MRTFB: variants seen among roughly 807,000 people sequenced by gnomAD.
MRTFB encodes the protein myocardin related transcription factor B.
MRTFB carries 29 observed loss-of-function variants against 104.2 expected under a neutral mutation model. That is an observed-to-expected ratio of 0.28 (90% CI 0.21 to 0.38). The LOEUF is 0.38. Ranked by LOEUF, MRTFB falls within the 10% of genes least tolerant of loss-of-function variation. The pLI, the probability that MRTFB is intolerant of heterozygous loss-of-function variation, is 1.00. For synonymous variants in MRTFB, 535 were observed against 519.5 expected, an observed-to-expected ratio of 1.03 and a Z score of -0.41; for missense variants, 1,270 against 1,341.6, an observed-to-expected ratio of 0.95 and a Z score of 0.83.
intron 3 of MRTFB, among the ~76,000 whole-genome samples, chr16:14,154,519 T>C (rs1344009809): frequency 6.6e-6 from 1 of 152,214 alleles, no homozygotes; most frequent in Non-Finnish European, 1.5e-5. Flanking sequence ...AAGGTAATTA[T>C]TGGTATATGT....
intron 8 of MRTFB, among the ~76,000 whole-genome samples, chr16:14,231,765 C>G (rs537599231): frequency 6.6e-6 from 1 of 152,274 alleles, no homozygotes; most frequent in South Asian, 2.1e-4. Flanking sequence ...CTAACTTTAG[C>G]CACTAGGAGC....
chr16:14,073,247 T>G (rs2033837367), intron 1 of MRTFB, among the ~76,000 whole-genome samples: 1 of 152,212 alleles, frequency 6.6e-6, no homozygotes, highest in Non-Finnish European at 1.5e-5. Context: ...CAGGCGAATC[T>G]TCATTATACA....
chr16:14,170,842 ATGT>A (rs1465831141), intron 3 of MRTFB, among the ~76,000 whole-genome samples: 3 of 152,174 alleles, frequency 2.0e-5, no homozygotes, highest in Admixed American at 6.5e-5. Flanking sequence ...TCCTTGAAAA[ATGT>A]TGTTATTAAA....
the MRTFB span, among the ~76,000 whole-genome samples, chr16:14,014,706 G>C: frequency 5.1e-3 from 761 of 149,236 alleles, 7 homozygotes; most frequent in African/African-American, 0.018. Flanking sequence ...ATGCAAAAAA[G>C]AAAAAAAGAA....
the MRTFB span, among the ~76,000 whole-genome samples, chr16:14,054,447 C>T: frequency 3.9e-5 from 6 of 152,064 alleles, no homozygotes; most frequent in African/African-American, 1.2e-4. Flanking sequence ...CAATTCCTGA[C>T]CTCAAGTGAT....
the MRTFB span, among the ~76,000 whole-genome samples, chr16:14,053,605 C>A: frequency 6.6e-6 from 1 of 151,800 alleles, no homozygotes; most frequent in East Asian, 1.9e-4. Flanking sequence ...GTGGCGGGCA[C>A]CTGTAATCCC....
intron 2 of MRTFB, among the ~76,000 whole-genome samples, chr16:14,121,397 A>C (rs961946141): frequency 6.6e-6 from 1 of 152,186 alleles, no homozygotes; most frequent in Non-Finnish European, 1.5e-5. Context: ...AATGAGTAAC[A>C]TGACCTTTTT....
chr16:14,174,766 C>T (rs1008722067), intron 3 of MRTFB, among the ~76,000 whole-genome samples: 1 of 152,112 alleles, frequency 6.6e-6, no homozygotes, highest in Non-Finnish European at 1.5e-5. Flanking sequence ...TCGGGATCAC[C>T]ACCCGTTTGC....
At chr16:14,116,806 C>T (rs2036567477) in intron 2 of MRTFB, among the ~76,000 whole-genome samples, 1 of 152,158 alleles carries the variant, frequency 6.6e-6, no homozygotes, top group Non-Finnish European at 1.5e-5. Context: ...CAAACATCCT[C>T]AGGGGTGGGG....
chr16:14,064,842 C>G, the MRTFB span, among the ~76,000 whole-genome samples: 2 of 152,096 alleles, frequency 1.3e-5, no homozygotes, highest in African/African-American at 4.8e-5. Flanking sequence ...ACCAGAACCA[C>G]GCTGTTTTGG....
At chr16:14,004,300 C>G in the MRTFB span, among the ~76,000 whole-genome samples, 1 of 152,168 alleles carries the variant, frequency 6.6e-6, no homozygotes, top group Non-Finnish European at 1.5e-5. Flanking sequence ...TGATGCCAGG[C>G]CCTAGGCCAG....
At chr16:14,018,189 G>A in the MRTFB span, among the ~76,000 whole-genome samples, 1 of 152,098 alleles carries the variant, frequency 6.6e-6, no homozygotes, top group Non-Finnish European at 1.5e-5. Flanking sequence ...GGCTTTTCTG[G>A]AAGAATCCAA....
At position 14,140,686 on chromosome 16, in the gene MRTFB, C is replaced by G. The variant is rs780619051; in HGVS notation, c.80C>G (p.Ala27Gly). The G allele has an allele frequency of 6.2e-6, 10 of 1,614,058 alleles. No homozygotes were observed. Among genetic ancestry groups the G allele is most frequent in the Non-Finnish European group, 4.2e-6 (5 of 1,180,032 alleles). Residue 27 changes from alanine to glycine, a missense_variant, in exon 3 of 17, where the codon GCT becomes GGT. Ala to Gly is a moderately conservative substitution (Grantham distance 60, BLOSUM62 0). Around this residue, in one of 3 missense-constraint regions of MRTFB, gnomAD observed 62 missense variants for 57.2 expected, o/e 1.08. Transcript: ENST00000571589. ...CTTGCTCCAAGTCCTCAGAGTGAAGCTGTGGCTCATGAATTCCAGGAACTC... is the reference window on the plus strand; with the variant it reads ...CTTGCTCCAAGTCCTCAGAGTGAAGGTGTGGCTCATGAATTCCAGGAACTC... ...AHLAPSPQSEAVAHEFQELSL... is the reference protein window; with the variant it reads ...AHLAPSPQSEGVAHEFQELSL...
intron 4 of MRTFB, 69 bp downstream of exon 4, chr16:14,210,377 G>C: frequency 8.3e-7 from 1 of 1,209,636 alleles, no homozygotes; most frequent in African/African-American, 1.5e-5. Flanking sequence ...AGAAGAGCCT[G>C]CATCTTGCTC....
intron 8 of MRTFB, among the ~76,000 whole-genome samples, chr16:14,231,541 C>T (rs1325071124): frequency 6.6e-6 from 1 of 152,144 alleles, no homozygotes; most frequent in Non-Finnish European, 1.5e-5. Flanking sequence ...TCTTTCCATC[C>T]TCTACCCTCA....
At chr16:14,106,613 A>G (rs1401829314) in intron 2 of MRTFB, among the ~76,000 whole-genome samples, 3 of 152,208 alleles carry the variant, frequency 2.0e-5, no homozygotes, top group African/African-American at 4.8e-5. Flanking sequence ...TCAAAGTTTG[A>G]CATTTAGTAA....
chr16:14,094,945 C>A (rs935767034), intron 2 of MRTFB, among the ~76,000 whole-genome samples: 2 of 152,192 alleles, frequency 1.3e-5, no homozygotes, highest in Non-Finnish European at 2.9e-5. Flanking sequence ...ATGATAAACA[C>A]TGACATTTCC....
At position 14,266,206 on chromosome 16, in the gene MRTFB, A is replaced by G. The variant is rs1180094551; in HGVS notation, c.*4762A>G. ...TCCATTTAAGGTTATAATTTTCACT[A>G]AGATGTAGATATTTCTCTTATTGTT... On this transcript the variant is annotated 3_prime_UTR_variant, in exon 17 of 17. Coordinates refer to ENST00000571589, the MANE Select transcript of MRTFB (RefSeq NM_001308142.2). 3.9e-5 allele frequency: 6 copies of G among 152,254 alleles called. No individual in the cohort carries two copies. Among genetic ancestry groups the G allele is most frequent in the Non-Finnish European group, 8.8e-5 (6 of 68,034 alleles). 9.4% of individuals were successfully genotyped at this position (152,254 alleles called of 1,614,324 possible).
chr16:14,186,049 G>T (rs1236866799), intron 3 of MRTFB, among the ~76,000 whole-genome samples: 1 of 152,114 alleles, frequency 6.6e-6, no homozygotes, highest in Non-Finnish European at 1.5e-5. Context: ...TTAATGCATG[G>T]GGGGAGAATT....
Sources: gnomAD v4.1 joint callset for allele counts (sites outside exome capture counted in the v4.1 genomes callset) on GRCh38, gnomAD v4.1.1 for gene constraint, gnomAD v4.1.1 regional missense constraint, MANE v1.5 for transcripts, NCBI Gene and HGNC (gene_info 2026-07-23, HGNC 2026-07-21) for gene names.